Variants in LYST observed in about 807,000 individuals in gnomAD.
LYST encodes lysosomal-trafficking regulator.
In LYST, 192 loss-of-function variants were observed where a neutral mutation model predicts 413.6. The ratio of observed to expected loss-of-function variants is 0.46; its 90% CI spans 0.41 to 0.52. The LOEUF (loss-of-function observed/expected upper bound fraction) is 0.52, where lower values mean the gene tolerates loss of function less well. LYST is among the 20% of genes least tolerant of loss of function. The pLI, the probability that LYST is intolerant of heterozygous loss-of-function variation, is 0.00. For synonymous variants in LYST, 1,525 were observed against 1,567.3 expected, an observed-to-expected ratio of 0.97 and a Z score of 0.64; for missense variants, 3,815 against 4,499.9, an observed-to-expected ratio of 0.85 and a Z score of 4.35.
intron 48 of LYST, among the ~76,000 whole-genome samples, chr1:235,679,433 T>C (rs1421312956): frequency 3.3e-5 from 5 of 152,144 alleles, no homozygotes; most frequent in Admixed American, 3.3e-4. Context: ...TCTAAATCTT[T>C]GAAAATTTCC....
chr1:235,674,822 A>T lies in LYST; in HGVS notation c.11038+2269T>A, dbSNP rs1659244840. ...CCCTACAGGGCCTTACCACCCTAGCAAATAAATTAGCCGAAAAGTCATAGA... is the reference window on the plus strand; with the variant it reads ...CCCTACAGGGCCTTACCACCCTAGCTAATAAATTAGCCGAAAAGTCATAGA... On this transcript the variant is annotated intron_variant, in intron 50 of 52. Coordinates refer to ENST00000389793, the MANE Select transcript of LYST (RefSeq NM_000081.4). This position sits in a 1 kb window ranked among gnomAD's most constrained non-coding sequence, Gnocchi z 4.1. Among the ~76,000 whole-genome samples the T allele has an allele frequency of 6.6e-6, 1 of 152,198 alleles. No individual in the cohort carries two copies. The highest frequency in any genetic ancestry group is 2.4e-5 in the African/African-American group (1 of 41,448).
intron 50 of LYST, among the ~76,000 whole-genome samples, chr1:235,667,236 C>T (rs1012530095): frequency 6.6e-6 from 1 of 152,160 alleles, no homozygotes; most frequent in African/African-American, 2.4e-5. Flanking sequence ...TAAAGAACCA[C>T]CCCACTGTGA....
rs149834532 is a variant in LYST, at chr1:235,821,398, A to G, written c.193-8337T>C. Among the ~76,000 whole-genome samples the G allele has an allele frequency of 2.4e-4, 37 of 152,290 alleles. 1 individual carries two copies. The East Asian group carries it at 6.4e-3, about 26-fold the overall frequency. ...GTTGCAGAGGGCTGAGATTGTGCCA[A>G]TGCCCTCCAGCCTGCATGACAGAGT... On this transcript the variant is annotated intron_variant, in intron 3 of 52. Transcript: ENST00000389793.
At chr1:235,741,325 T>C in intron 31 of LYST, 97 bp downstream of exon 31, 1 of 1,053,566 alleles carries the variant, frequency 9.5e-7, no homozygotes. Flanking sequence ...ATTTATAAAT[T>C]AGGCATGAAC....
At chr1:235,882,986 G>A (rs1681443794) in intron 1 of LYST, among the ~76,000 whole-genome samples, 2 of 151,914 alleles carry the variant, frequency 1.3e-5, no homozygotes, top group South Asian at 4.2e-4. Flanking sequence ...TCTTCCCTGC[G>A]GTTTCTCTAC....
At chr1:235,731,806 C>A (rs927753845) in intron 34 of LYST, among the ~76,000 whole-genome samples, 1 of 152,166 alleles carries the variant, frequency 6.6e-6, no homozygotes, top group African/African-American at 2.4e-5. Context: ...GATCCACCCA[C>A]CTGGGCCTCC....
At chr1:235,734,828 G>C (rs1664682415) in intron 31 of LYST, 169 bp from the exon 32 acceptor site, 1 of 533,708 alleles carries the variant, frequency 1.9e-6, no homozygotes, top group African/African-American at 1.9e-5. Context: ...ATTATGCACT[G>C]AGTATTTGAT....
chr1:235,727,028 T>A, intron 38 of LYST, among the ~76,000 whole-genome samples: 1 of 152,216 alleles, frequency 6.6e-6, no homozygotes, highest in East Asian at 1.9e-4. Flanking sequence ...AAGAATGCTG[T>A]TCATATTTCT....
At position 235,702,952 on chromosome 1, in the gene LYST, G is replaced by A. The variant is rs1572032424; in HGVS notation, c.10169C>T (p.Ala3390Val). 1 of 1,613,784 alleles carries A rather than the reference G, an allele frequency of 6.2e-7. No homozygotes were observed. Among genetic ancestry groups the A allele is most frequent in the East Asian group, 2.2e-5 (1 of 44,864 alleles). ...TCGTCTCTGAACTGGATCTTCAACT[G>A]CAGAGACATCCATTCCAAAATATGT... ...PATYFGMDVS[A>V]VEDPVQRRAL... Residue 3390 changes from alanine (A) to valine (V), a missense_variant, in exon 45 of 53, where the codon GCA becomes GTA. Transcript: ENST00000389793.
At chr1:235,727,828 T>C (rs768279992) in intron 38 of LYST, among the ~76,000 whole-genome samples, 13 of 152,170 alleles carry the variant, frequency 8.5e-5, no homozygotes, top group Non-Finnish European at 1.8e-4. Context: ...CATAAATTGA[T>C]ATAATAGGAG....
At chr1:235,669,389 G>C (rs1658743342) in intron 50 of LYST, among the ~76,000 whole-genome samples, 1 of 152,216 alleles carries the variant, frequency 6.6e-6, no homozygotes, top group Non-Finnish European at 1.5e-5. Context: ...AGAACAAAAG[G>C]ACCAGAGGCT....
chr1:235,775,066 A>G lies in LYST; in HGVS notation c.5481T>C (p.Cys1827=), dbSNP rs745613795. The G allele has an allele frequency of 1.9e-6, 3 of 1,611,372 alleles. No homozygotes were observed. Among genetic ancestry groups the G allele is most frequent in the Non-Finnish European group, 2.5e-6 (3 of 1,179,520 alleles). ...LFARVVELSS[C]EETQALALRV... ...GCAGTGCTAATGCTTGAGTTTCTTC[A>G]CAGCTACTGAGTTCAACAACCTAAA... Residue 1827 remains cysteine (C), a synonymous_variant, in exon 18 of 53, where the codon TGT becomes TGC. Coordinates refer to ENST00000389793, the MANE Select transcript of LYST (RefSeq NM_000081.4).
At chr1:235,853,447 G>A (rs2103112781) in intron 1 of LYST, among the ~76,000 whole-genome samples, 1 of 151,886 alleles carries the variant, frequency 6.6e-6, no homozygotes, top group East Asian at 1.9e-4. Flanking sequence ...AGAAAAATGT[G>A]TTTAATGAAA....
In LYST at chr1:235,764,024, G is replaced by A. The variant is rs554986679; in HGVS notation, c.6122-1173C>T. On this transcript the variant is annotated intron_variant, in intron 21 of 52. Transcript: ENST00000389793. ...TTGTCCACAAGAATTACCACTATTT[G>A]TCCCTAGGTCCCTCCCAAGCCTTGT... 2.0e-5 allele frequency among the ~76,000 whole-genome samples: 3 copies of A among 152,146 alleles called. No homozygotes were observed. The East Asian group carries it at 5.8e-4, about 29-fold the overall frequency.
chr1:235,691,351 C>T (rs1660637245), intron 47 of LYST, among the ~76,000 whole-genome samples: 1 of 152,216 alleles, frequency 6.6e-6, no homozygotes, highest in South Asian at 2.1e-4. Flanking sequence ...AGTTACTAGT[C>T]AAAGGCTGCA....
chr1:235,848,197 C>A (rs115804344), intron 1 of LYST, among the ~76,000 whole-genome samples: 2 of 151,992 alleles, frequency 1.3e-5, no homozygotes, highest in African/African-American at 4.8e-5. Context: ...CAGACCACAG[C>A]GGCATAAAAC....
At chr1:235,716,567 C>T in intron 41 of LYST, 145 bp downstream of exon 41, 1 of 586,342 alleles carries the variant, frequency 1.7e-6, no homozygotes, top group African/African-American at 1.9e-5. Flanking sequence ...TATTTCATTT[C>T]ACATAATGAT....
intron 31 of LYST, among the ~76,000 whole-genome samples, chr1:235,740,709 T>C (rs916525344): frequency 2.6e-5 from 4 of 152,214 alleles, no homozygotes; most frequent in Non-Finnish European, 5.9e-5. Context: ...CTTCTGTTGA[T>C]AAGCATTTGA....
chr1:235,729,989 T>C (rs915001599), intron 36 of LYST, among the ~76,000 whole-genome samples: 5 of 151,986 alleles, frequency 3.3e-5, no homozygotes, highest in African/African-American at 9.7e-5. Flanking sequence ...TTCAGATACA[T>C]TTTTTGTGTG....
Sources: allele counts gnomAD v4.1 joint callset (sites outside exome capture counted in the v4.1 genomes callset), GRCh38; gene constraint gnomAD v4.1.1; non-coding constraint Gnocchi (gnomAD v3.1); transcripts MANE v1.5; gene names NCBI Gene and HGNC (gene_info 2026-07-23, HGNC 2026-07-21).